CDK14: variants seen among roughly 807,000 people sequenced by gnomAD.
The protein encoded by CDK14 is cyclin-dependent kinase 14.
A neutral mutation model predicts 60.7 loss-of-function variants in CDK14; 34 were observed. The observed-to-expected ratio is 0.56, with a 90% CI of 0.43 to 0.75. The LOEUF (loss-of-function observed/expected upper bound fraction) is 0.75. CDK14 is among the 30% of genes least tolerant of loss of function. CDK14 has a pLI of 0.00. For missense variants in CDK14, 482 were observed against 564.1 expected (o/e 0.85, Z 1.47); for synonymous variants, 197 against 203.7 (o/e 0.97, Z 0.28).
At chr7:90,720,447 G>A (rs907126197) in intron 2 of CDK14, among the ~76,000 whole-genome samples, 1 of 152,140 alleles carries the variant, frequency 6.6e-6, no homozygotes, top group Non-Finnish European at 1.5e-5. Flanking sequence ...CATGGCCTTT[G>A]TATTTGGCCA....
chr7:90,757,285 G>T (rs1804115966), intron 4 of CDK14, among the ~76,000 whole-genome samples: 1 of 145,464 alleles, frequency 6.9e-6, no homozygotes, highest in African/African-American at 2.5e-5. Flanking sequence ...TTCCCTTTCT[G>T]TCAGGACATG....
At chr7:91,185,863 G>A (rs908645698) in intron 14 of CDK14, among the ~76,000 whole-genome samples, 1 of 151,972 alleles carries the variant, frequency 6.6e-6, no homozygotes, top group Non-Finnish European at 1.5e-5. Flanking sequence ...CTACTCTAAA[G>A]AGAAGCTGCA....
chr7:90,632,099 T>G (rs1800014238), intron 2 of CDK14: 1 of 154,076 alleles, frequency 6.5e-6, no homozygotes, highest in Admixed American at 6.5e-5. Context: ...ATCCATCTTC[T>G]CTGTGAATTG....
rs143398655 is a variant in CDK14 at position 91,148,807 on chromosome 7, A to C, written c.*28+30599A>C. On this transcript the variant is annotated intron_variant, in intron 14 of 14. Coordinates refer to ENST00000380050, the MANE Select transcript of CDK14 (RefSeq NM_001287135.2). The stretch of plus-strand genomic sequence containing the variant: ...CCTTCATATTAGTACAAGCCAACAA[A>C]TGTTTGTTCAGTTCTTGCTATTTAC... Among the ~76,000 whole-genome samples, 356 of 152,156 alleles carry C rather than the reference A, an allele frequency of 2.3e-3. 3 individuals carry two copies. The highest frequency in any genetic ancestry group is 0.01 in the Middle Eastern group (3 of 294).
intron 2 of CDK14, among the ~76,000 whole-genome samples, chr7:90,703,020 T>TG: frequency 7.0e-6 from 1 of 143,302 alleles, no homozygotes; most frequent in Non-Finnish European, 1.6e-5. Flanking sequence ...TGTTGTTTTG[T>TG]TTTTTTTTTC....
At chr7:90,973,524 T>G (rs1051663437) in intron 9 of CDK14, among the ~76,000 whole-genome samples, 1 of 152,214 alleles carries the variant, frequency 6.6e-6, no homozygotes, top group South Asian at 2.1e-4. Flanking sequence ...TTCTGCATTA[T>G]CTACTGATAT....
intron 7 of CDK14, among the ~76,000 whole-genome samples, chr7:90,917,151 G>C (rs1296461570): frequency 6.6e-6 from 1 of 152,008 alleles, no homozygotes; most frequent in Non-Finnish European, 1.5e-5. Context: ...GAATTTATGG[G>C]TACCATGTTC....
chr7:91,025,027 A>G (rs368145010), intron 10 of CDK14, among the ~76,000 whole-genome samples: 21 of 152,316 alleles, frequency 1.4e-4, no homozygotes, highest in African/African-American at 5.1e-4. Flanking sequence ...AATCAAGGAT[A>G]TAAGTCTTTT....
intron 3 of CDK14, among the ~76,000 whole-genome samples, chr7:90,730,710 C>G (rs1461717149): frequency 6.6e-6 from 1 of 151,520 alleles, no homozygotes; most frequent in African/African-American, 2.4e-5. Context: ...TTTCTTTTTT[C>G]TCTTGTAAAT....
chr7:91,192,890 A>G (rs114115846), intron 14 of CDK14, among the ~76,000 whole-genome samples: 2,039 of 152,324 alleles, frequency 0.013, 61 homozygotes, highest in African/African-American at 0.045. Flanking sequence ...CTGCCAACGT[A>G]TGCTTCTCCT....
chr7:90,691,689 G>T (rs1378485267), intron 2 of CDK14, among the ~76,000 whole-genome samples: 1 of 152,180 alleles, frequency 6.6e-6, no homozygotes, highest in African/African-American at 2.4e-5. Flanking sequence ...AGACAGTAGG[G>T]AGTAGCAGGA....
intron 10 of CDK14, among the ~76,000 whole-genome samples, chr7:91,005,229 C>G (rs936261885): frequency 1.3e-5 from 2 of 152,220 alleles, no homozygotes; most frequent in African/African-American, 4.8e-5. Flanking sequence ...GGCTGGTGAG[C>G]CAGCAGGGAA....
chr7:90,763,666 G>T (rs965017203), intron 4 of CDK14, among the ~76,000 whole-genome samples: 3 of 151,692 alleles, frequency 2.0e-5, no homozygotes, highest in African/African-American at 7.3e-5. Flanking sequence ...GGCCTGTCGT[G>T]GGGTGGGGGG....
chr7:91,172,368 T>G (rs1801547361), intron 14 of CDK14, among the ~76,000 whole-genome samples: 1 of 152,180 alleles, frequency 6.6e-6, no homozygotes, highest in Admixed American at 6.5e-5. Flanking sequence ...TTAAAATCCA[T>G]TTTCTCTCCT....
chr7:90,796,571 T>A (rs1189264237), intron 5 of CDK14, among the ~76,000 whole-genome samples: 1 of 152,226 alleles, frequency 6.6e-6, no homozygotes, highest in Non-Finnish European at 1.5e-5. Context: ...GAAAAAGTTT[T>A]AAATTTTTAT....
At chr7:90,862,199 T>G (rs1584057563) in intron 5 of CDK14, among the ~76,000 whole-genome samples, 1 of 152,156 alleles carries the variant, frequency 6.6e-6, no homozygotes, top group East Asian at 1.9e-4. Context: ...ATATTAATAT[T>G]TACATTGAAT....
At chr7:90,743,256 A>G (rs1041430778) in intron 3 of CDK14, among the ~76,000 whole-genome samples, 1 of 152,168 alleles carries the variant, frequency 6.6e-6, no homozygotes, top group Non-Finnish European at 1.5e-5. Flanking sequence ...ATCATCTCAT[A>G]TAGTTACCCA....
intron 2 of CDK14, among the ~76,000 whole-genome samples, chr7:90,605,654 A>C (rs1287255588): frequency 5.3e-5 from 8 of 152,212 alleles, no homozygotes; most frequent in Admixed American, 5.2e-4. Flanking sequence ...TTACATAAAA[A>C]GAGAGAAATA....
intron 3 of CDK14, among the ~76,000 whole-genome samples, chr7:90,733,519 T>C (rs1012785718): frequency 6.6e-6 from 1 of 152,254 alleles, no homozygotes; most frequent in Admixed American, 6.5e-5. Flanking sequence ...TGGGTGCATA[T>C]ATATTTAGGA....
Sources: gnomAD v4.1 joint callset for allele counts (sites outside exome capture counted in the v4.1 genomes callset) on GRCh38, gnomAD v4.1.1 for gene constraint, MANE v1.5 for transcripts, NCBI Gene and HGNC (gene_info 2026-07-23, HGNC 2026-07-21) for gene names.